The following APLP1 variants were observed in gnomAD, a reference collection of about 807,000 sequenced individuals.
The protein encoded by APLP1 is amyloid beta precursor like protein 1.
Under a neutral mutation model 84.5 loss-of-function variants are expected in APLP1, and 46 were observed. The observed-to-expected ratio is 0.54, with a 90% CI of 0.43 to 0.70. APLP1 has a LOEUF of 0.70. APLP1 is among the 30% of genes least tolerant of loss of function. The pLI, the probability that APLP1 is intolerant of heterozygous loss-of-function variation, is 0.00. For missense variants in APLP1, 826 were observed against 900.2 expected, an observed-to-expected ratio of 0.92 and a Z score of 1.05; for synonymous variants, 376 against 364.0, an observed-to-expected ratio of 1.03 and a Z score of -0.38.
Position 35,876,521 on chromosome 19 carries a change from A to G in APLP1, c.1349A>G (p.His450Arg), listed in dbSNP as rs1186399788. 1 of 1,613,374 alleles carries G rather than the reference A, an allele frequency of 6.2e-7. No homozygotes were observed. The highest frequency in any genetic ancestry group is 2.2e-5 in the East Asian group (1 of 44,884). ...EKAQQMRFQV[H>R]THLQVIEERV... ...TTCATGTCCACTCACCCACAGGTGC[A>G]TACCCACCTTCAAGTGATTGAGGAG... Residue 450 changes from histidine to arginine, a missense_variant, in exon 11 of 17, where the codon CAT becomes CGT. By Grantham distance (29) the His-to-Arg change is conservative. Transcript: ENST00000221891.
At position 35,879,093 on chromosome 19, in the gene APLP1, T is replaced by C. The variant is rs1485608521; in HGVS notation, c.1733T>C (p.Val578Ala). 3.1e-6 allele frequency: 5 copies of C among 1,612,090 alleles called. No homozygotes were observed. Among genetic ancestry groups the C allele is most frequent in the Non-Finnish European group, 4.2e-6 (5 of 1,179,948 alleles). The change falls in exon 16 of 17, where the codon GTG (valine) becomes GCG (alanine). Residue 578 changes from valine (V) to alanine (A), a missense_variant. Coordinates refer to ENST00000221891, the MANE Select transcript of APLP1 (RefSeq NM_001024807.3). Reference protein sequence around the residue: ...RDELAPAGTGVSREAVSGLLI... With the variant: ...RDELAPAGTGASREAVSGLLI... ...CTGCAGGCACCAGCTGGGACAGGGGTGTCCCGTGAGGCTGTGTCGGGTCTG... is the reference window on the plus strand; with the variant it reads ...CTGCAGGCACCAGCTGGGACAGGGGCGTCCCGTGAGGCTGTGTCGGGTCTG...
intron 1 of APLP1, chr19:35,869,210 A>G (rs1238360766): frequency 2.6e-6 from 1 of 391,610 alleles, no homozygotes; most frequent in Admixed American, 4.6e-5. Context: ...CACCCACCCC[A>G]ACCAGATGTA....
chr19:35,872,928 C>T (rs529016548), intron 7 of APLP1, among the ~76,000 whole-genome samples: 1 of 151,668 alleles, frequency 6.6e-6, no homozygotes, highest in Non-Finnish European at 1.5e-5. Context: ...GGTGCGATCT[C>T]GGCCCACTGC....
At chr19:35,870,339 G>A in intron 2 of APLP1, 1 of 174,706 alleles carries the variant, frequency 5.7e-6, no homozygotes, top group South Asian at 1.2e-4. Context: ...AACAGCACAG[G>A]AAAAGAGATA....
Position 35,871,947 on chromosome 19 carries a change from A to T in APLP1, c.761A>T (p.Asp254Val). 2 of 1,614,104 alleles carry T rather than the reference A, an allele frequency of 1.2e-6. No individual in the cohort carries two copies. Among genetic ancestry groups the T allele is most frequent in the East Asian group, 2.2e-5 (1 of 44,870 alleles). ...EEEESFPQPV[D>V]DYFVEPPQAE... ...GAGGAATCCTTCCCACAGCCAGTAG[A>T]TGATTACTTCGTGGAGCCTCCGCAG... The change falls in exon 6 of 17, where the codon GAT (aspartate) becomes GTT (valine). Residue 254 changes from aspartate (D) to valine (V), a missense_variant. Coordinates refer to ENST00000221891, the MANE Select transcript of APLP1 (RefSeq NM_001024807.3).
chr19:35,871,258 C>G lies in APLP1; in HGVS notation c.446C>G (p.Ala149Gly). 6.2e-7 allele frequency: 1 copy of G among 1,613,464 alleles called. No individual in the cohort carries two copies. Among genetic ancestry groups the G allele is most frequent in the Non-Finnish European group, 8.5e-7 (1 of 1,179,776 alleles). Residue 149 changes from alanine to glycine, a missense_variant, in exon 4 of 17, where the codon GCC becomes GGC. By Grantham distance (60) the Ala-to-Gly change is moderately conservative. This residue lies in a region of APLP1 where 383 missense variants were observed against 378.3 expected (regional missense o/e 1.01). Transcript: ENST00000221891. The part of the protein sequence containing the change: ...RCLPGEFVSE[A>G]LLVPEGCRFL... ...CCAGCTGGTGAATTTGTGAGTGAGGCCCTGCTGGTGCCTGAAGGCTGCCGG... is the reference window on the plus strand; with the variant it reads ...CCAGCTGGTGAATTTGTGAGTGAGGGCCTGCTGGTGCCTGAAGGCTGCCGG...
At chr19:35,869,551 G>C in intron 1 of APLP1, 116 bp from the exon 2 acceptor site, 1 of 1,391,022 alleles carries the variant, frequency 7.2e-7, no homozygotes, top group Non-Finnish European at 9.9e-7. Flanking sequence ...GAGGCGGTGT[G>C]CGGTGCTTGG....
chr19:35,874,488 C>T lies in APLP1; in HGVS notation c.1057-16C>T. 2 of 1,613,460 alleles carry T rather than the reference C, an allele frequency of 1.2e-6. No individual in the cohort carries two copies. The highest frequency in any genetic ancestry group is 1.7e-6 in the Non-Finnish European group (2 of 1,179,484). ...CATCTTCTCCTCTCCTGACCCTGTG[C>T]CCACCCGCTCCCCAGCACTTCCAGT... On this transcript the variant is annotated splice_polypyrimidine_tract_variant and intron_variant, in intron 8 of 16. Coordinates refer to ENST00000221891, the MANE Select transcript of APLP1 (RefSeq NM_001024807.3). This position sits in a 1 kb window ranked among gnomAD's most constrained non-coding sequence, Gnocchi z 6.4.
At position 35,879,569 on chromosome 19, in the gene APLP1, C is replaced by A; in HGVS notation, c.*128C>A. The A allele has an allele frequency of 2.7e-6, 2 of 740,148 alleles. No homozygotes were observed. The highest frequency in any genetic ancestry group is 4.3e-6 in the Non-Finnish European group (2 of 462,062). The allele number at this position is 740,148 out of a possible 1,614,324, so 45.8% of individuals were successfully genotyped here. On this transcript the variant is annotated 3_prime_UTR_variant, in exon 17 of 17. Transcript: ENST00000221891. The stretch of plus-strand genomic sequence containing the variant: ...CATTTCACACCCTTTTGTGAGACGG[C>A]TGGAAATTCTTATTTCCCCTTTCCA...
chr19:35,869,313 A>C, intron 1 of APLP1: 2 of 526,080 alleles, frequency 3.8e-6, no homozygotes, highest in Admixed American at 3.9e-5. Flanking sequence ...AGCCTGAGCA[A>C]GGGATGGAGG....
chr19:35,877,941 G>C (rs1974322330), intron 12 of APLP1, 116 bp downstream of exon 12: 2 of 1,287,496 alleles, frequency 1.6e-6, no homozygotes, highest in Non-Finnish European at 2.2e-6. Context: ...GAGAGGATGA[G>C]GAGGAACGTC....
At chr19:35,877,873 C>T (rs375510141) in intron 12 of APLP1, 48 bp downstream of exon 12, 1 of 1,504,388 alleles carries the variant, frequency 6.6e-7, no homozygotes, top group South Asian at 1.2e-5. Flanking sequence ...GGAACAGGCC[C>T]CAGCCTAATT....
At chr19:35,871,556 C>G in intron 4 of APLP1, 56 bp from the exon 5 acceptor site, 1 of 1,606,618 alleles carries the variant, frequency 6.2e-7, no homozygotes, top group African/African-American at 1.3e-5. Flanking sequence ...AGCCCAGTTC[C>G]CCATCTACCC....
At chr19:35,872,340 A>T in intron 6 of APLP1, 143 bp from the exon 7 acceptor site, 3 of 1,162,198 alleles carry the variant, frequency 2.6e-6, no homozygotes, top group Non-Finnish European at 3.7e-6. Context: ...CCAGAACTAC[A>T]TCTCCCATAA....
chr19:35,870,210 T>C (rs1390267121), intron 2 of APLP1: 8 of 241,130 alleles, frequency 3.3e-5, no homozygotes, highest in Non-Finnish European at 6.4e-5. Context: ...GGGAGAGTTT[T>C]GGAGAGGCGG....
intron 10 of APLP1, among the ~76,000 whole-genome samples, 166 bp from the exon 11 acceptor site, chr19:35,876,351 A>G (rs1466578143): frequency 6.6e-6 from 1 of 151,822 alleles, no homozygotes; most frequent in Non-Finnish European, 1.5e-5. Context: ...TTATTCTTCA[A>G]TTTCCTTCTC....
intron 10 of APLP1, among the ~76,000 whole-genome samples, chr19:35,876,086 T>C (rs1974276545): frequency 6.6e-6 from 1 of 152,246 alleles, no homozygotes; most frequent in Admixed American, 6.5e-5. Context: ...AGAATCTCCT[T>C]CTTGTTCCTT....
At chr19:35,875,922 A>C (rs1191520620) in intron 10 of APLP1, among the ~76,000 whole-genome samples, 1 of 148,504 alleles carries the variant, frequency 6.7e-6, no homozygotes. Context: ...CCCGGCCAGA[A>C]ACCCCAATAA....
At position 35,876,604 on chromosome 19, in the gene APLP1, C is replaced by T. The variant is rs775747399; in HGVS notation, c.1432C>T (p.Arg478Trp). The change falls in exon 11 of 17, where the codon CGG (arginine) becomes TGG (tryptophan). Residue 478 changes from arginine to tryptophan, a missense_variant. Around this residue, in one of 3 missense-constraint regions of APLP1, gnomAD observed 433 missense variants for 496.5 expected, o/e 0.87. Transcript: ENST00000221891. ...DQNPHLAQELRPQIQELLHSE... is the reference protein window; with the variant it reads ...DQNPHLAQELWPQIQELLHSE... The stretch of plus-strand genomic sequence containing the variant: ...GAACCCCCACCTGGCTCAGGAGCTG[C>T]GGCCCCAAATCCGTGAGTGTCTATT... 9 of 1,611,566 alleles carry T rather than the reference C, an allele frequency of 5.6e-6. No homozygotes were observed. The highest frequency in any genetic ancestry group is 4.4e-5 in the South Asian group (4 of 90,762).
Sources: allele counts gnomAD v4.1 joint callset (sites outside exome capture counted in the v4.1 genomes callset), GRCh38; gene constraint gnomAD v4.1.1; regional missense constraint gnomAD v4.1.1; non-coding constraint Gnocchi (gnomAD v3.1); transcripts MANE v1.5; gene names NCBI Gene and HGNC (gene_info 2026-07-23, HGNC 2026-07-21).